FGF12: variants seen among roughly 807,000 people sequenced by gnomAD.
FGF12 encodes the protein fibroblast growth factor 12.
Under a neutral mutation model 23.6 loss-of-function variants are expected in FGF12, and 14 were observed. The observed-to-expected ratio is 0.59, with a 90% CI of 0.39 to 0.93. The LOEUF (loss-of-function observed/expected upper bound fraction) is 0.93. Among genes scored for constraint, FGF12 ranks in the 40% least tolerant of loss-of-function variants. The pLI is 0.00. For synonymous variants in FGF12, 62 were observed against 77.3 expected (o/e 0.80, Z 1.04); for missense variants, 175 against 217.8 (o/e 0.80, Z 1.24).
intron 2 of FGF12, among the ~76,000 whole-genome samples, chr3:192,396,983 T>C (rs890358745): frequency 6.6e-6 from 1 of 152,130 alleles, no homozygotes; most frequent in Non-Finnish European, 1.5e-5. Flanking sequence ...CCAACCAAGA[T>C]GGTAGTTCCA....
chr3:192,511,505 T>TA (rs1724477821), intron 2 of FGF12, among the ~76,000 whole-genome samples: 1 of 152,220 alleles, frequency 6.6e-6, no homozygotes, highest in Non-Finnish European at 1.5e-5. Context: ...GCTATTGTTT[T>TA]AATCACTACT....
intron 4 of FGF12, among the ~76,000 whole-genome samples, chr3:192,215,192 C>A (rs1718130162): frequency 6.6e-6 from 1 of 152,186 alleles, no homozygotes; most frequent in Non-Finnish European, 1.5e-5. Context: ...CTTGTCTTCC[C>A]TTTCCTGGCT....
chr3:192,305,679 A>AAAAATATATAT lies in FGF12; in HGVS notation c.228+29681_228+29682insATATATATTTT, dbSNP rs1423738741. Among the ~76,000 whole-genome samples, 58 of 131,924 alleles carry AAAAATATATAT rather than the reference A, an allele frequency of 4.4e-4. No individual in the cohort carries two copies. In the South Asian group the frequency reaches 8.9e-3, roughly 20 times the overall value. 86.5% of individuals were successfully genotyped at this position (131,924 alleles called of 152,430 possible). On this transcript the variant is annotated intron_variant, in intron 4 of 5. Transcript: ENST00000445105. ...AAGGTGGCTTAGGAAAAAAAAAAAA[A>AAAAATATATAT]ATATATATATATATATAAATATATA...
intron 2 of FGF12, among the ~76,000 whole-genome samples, chr3:192,498,347 T>C (rs1179826559): frequency 6.6e-6 from 1 of 152,256 alleles, no homozygotes; most frequent in African/African-American, 2.4e-5. Context: ...GTCTAATCAC[T>C]AGTGCTTAAG....
chr3:192,356,475 T>C (rs1439632948), intron 3 of FGF12, among the ~76,000 whole-genome samples: 2 of 151,928 alleles, frequency 1.3e-5, no homozygotes, highest in African/African-American at 4.9e-5. Context: ...TGTAAAATAT[T>C]CCTATTAATA....
intron 2 of FGF12, among the ~76,000 whole-genome samples, chr3:192,458,835 A>T (rs1317986263): frequency 6.6e-6 from 1 of 152,060 alleles, no homozygotes; most frequent in Non-Finnish European, 1.5e-5. Context: ...TCCCCACCCA[A>T]ATCTCATCTT....
intron 2 of FGF12, among the ~76,000 whole-genome samples, chr3:192,587,928 T>C (rs1225689853): frequency 1.3e-5 from 2 of 151,922 alleles, no homozygotes; most frequent in Non-Finnish European, 2.9e-5. Context: ...AAAAGACAAA[T>C]AATACTTTTA....
chr3:192,657,956 A>G (rs1404973384), intron 2 of FGF12, among the ~76,000 whole-genome samples: 8 of 148,136 alleles, frequency 5.4e-5, no homozygotes, highest in Non-Finnish European at 1.2e-4. Flanking sequence ...TATTTCTGCA[A>G]TGAGTACCAC....
chr3:192,190,057 G>C (rs1716695844), intron 4 of FGF12, among the ~76,000 whole-genome samples: 1 of 152,126 alleles, frequency 6.6e-6, no homozygotes, highest in African/African-American at 2.4e-5. Context: ...TTAAGGTATG[G>C]CACATAGTTT....
chr3:192,261,672 CT>C (rs1304407078), intron 4 of FGF12, among the ~76,000 whole-genome samples: 4 of 152,156 alleles, frequency 2.6e-5, no homozygotes, highest in African/African-American at 9.6e-5. Context: ...AAAAGGAAAT[CT>C]TTTTTGCTTA....
At chr3:192,245,343 C>G (rs1711516174) in intron 4 of FGF12, among the ~76,000 whole-genome samples, 1 of 152,026 alleles carries the variant, frequency 6.6e-6, no homozygotes, top group Non-Finnish European at 1.5e-5. Context: ...GTCTCAAACT[C>G]CTGGCCTCAA....
chr3:192,461,289 T>C (rs1031646706), intron 2 of FGF12, among the ~76,000 whole-genome samples: 1 of 152,146 alleles, frequency 6.6e-6, no homozygotes, highest in Non-Finnish European at 1.5e-5. Flanking sequence ...AGGCTTGAGA[T>C]CATCAAAAAG....
At chr3:192,684,110 A>G (rs1717643950) in intron 2 of FGF12, among the ~76,000 whole-genome samples, 1 of 152,072 alleles carries the variant, frequency 6.6e-6, no homozygotes, top group African/African-American at 2.4e-5. Context: ...CCTCTCCCAA[A>G]GGTTATGAAT....
intron 4 of FGF12, among the ~76,000 whole-genome samples, chr3:192,307,653 G>A (rs1715719871): frequency 1.3e-5 from 2 of 152,198 alleles, no homozygotes; most frequent in South Asian, 4.1e-4. Context: ...GGCTTTAAGA[G>A]TTTGCTGAGA....
At chr3:192,253,083 T>C (rs1310888215) in intron 4 of FGF12, among the ~76,000 whole-genome samples, 2 of 152,178 alleles carry the variant, frequency 1.3e-5, no homozygotes, top group Non-Finnish European at 2.9e-5. Flanking sequence ...CAAAAATCGT[T>C]GGATCTCTCT....
chr3:192,578,466 CAAT>C (rs981367203), intron 2 of FGF12, among the ~76,000 whole-genome samples: 1 of 152,140 alleles, frequency 6.6e-6, no homozygotes, highest in African/African-American at 2.4e-5. Flanking sequence ...AAAACAACAA[CAAT>C]AACAACAATG....
chr3:192,191,733 G>A (rs547040537), intron 4 of FGF12, among the ~76,000 whole-genome samples: 1 of 152,162 alleles, frequency 6.6e-6, no homozygotes, highest in East Asian at 1.9e-4. Context: ...CTACTCAGGA[G>A]GCTGAGGCAG....
chr3:192,388,269 A>G (rs758043804), intron 2 of FGF12, among the ~76,000 whole-genome samples: 1 of 152,212 alleles, frequency 6.6e-6, no homozygotes, highest in Non-Finnish European at 1.5e-5. Flanking sequence ...ATCTAAAAAA[A>G]TAACAATAAT....
At chr3:192,612,923 C>T (rs1224161738) in intron 2 of FGF12, among the ~76,000 whole-genome samples, 1 of 151,754 alleles carries the variant, frequency 6.6e-6, no homozygotes, top group Non-Finnish European at 1.5e-5. Context: ...TTGAATGTTT[C>T]CACAATTTTA....
Sources: gnomAD v4.1 joint callset for allele counts (sites outside exome capture counted in the v4.1 genomes callset) on GRCh38, gnomAD v4.1.1 for gene constraint, MANE v1.5 for transcripts, NCBI Gene and HGNC (gene_info 2026-07-23, HGNC 2026-07-21) for gene names.